Variants in NIPBL observed in about 807,000 individuals in gnomAD.
NIPBL encodes the protein nipped-B-like protein.
In NIPBL, 19 loss-of-function variants were observed where a neutral mutation model predicts 321.8. The observed-to-expected ratio is 0.06, with a 90% CI of 0.04 to 0.09. The LOEUF is 0.09. Among genes scored for constraint, NIPBL ranks in the 10% least tolerant of loss-of-function variants. The probability of loss-of-function intolerance (pLI) is 1.00; values close to 1 mark genes in which losing one functional copy is unlikely to be tolerated. For missense variants in NIPBL, 2,210 were observed against 3,327.0 expected, an observed-to-expected ratio of 0.66 and a Z score of 8.26; for synonymous variants, 1,106 against 1,114.1, an observed-to-expected ratio of 0.99 and a Z score of 0.14.
At position 37,051,772 on chromosome 5, in the gene NIPBL, T is replaced by C. The variant is rs1379961586; in HGVS notation, c.6955-7T>C. 6.2e-7 allele frequency: 1 copy of C among 1,601,612 alleles called. No homozygotes were observed. Among genetic ancestry groups the C allele is most frequent in the Non-Finnish European group, 8.6e-7 (1 of 1,168,786 alleles). ...TGATATCTCGTAATTTTTTTTTTTATTTCCAGTGTGTGCCATATTTAATTG... is the reference window on the plus strand; with the variant it reads ...TGATATCTCGTAATTTTTTTTTTTACTTCCAGTGTGTGCCATATTTAATTG... On this transcript the variant is annotated splice_polypyrimidine_tract_variant and splice_region_variant and intron_variant, in intron 40 of 46. Transcript: ENST00000282516.
chr5:36,910,381 G>A (rs955852236), intron 1 of NIPBL, among the ~76,000 whole-genome samples: 7 of 151,862 alleles, frequency 4.6e-5, no homozygotes, highest in Non-Finnish European at 8.8e-5. Flanking sequence ...GTAACTAATG[G>A]GGCAATAAGC....
chr5:36,882,021 C>A (rs937472079), intron 1 of NIPBL, among the ~76,000 whole-genome samples: 4 of 151,804 alleles, frequency 2.6e-5, no homozygotes, highest in African/African-American at 9.7e-5. Context: ...TATGACTGAT[C>A]ATTTTGTAAA....
Position 37,063,959 on chromosome 5 carries a change from G to C in NIPBL, c.8030G>C (p.Arg2677Thr). The C allele has an allele frequency of 6.2e-7, 1 of 1,614,070 alleles. No homozygotes were observed. Among genetic ancestry groups the C allele is most frequent in the Non-Finnish European group, 8.5e-7 (1 of 1,180,008 alleles). Residue 2677 changes from arginine (R) to threonine (T), a missense_variant, in exon 46 of 47, where the codon AGA becomes ACA. By Grantham distance (71) the Arg-to-Thr change is moderately conservative. Coordinates refer to ENST00000282516, the MANE Select transcript of NIPBL (RefSeq NM_133433.4). ...GATGATGAAAGTGATGGGGAGGATA[G>C]AGGAGGAGGCACTTCAGGGGTGAGG... is the stretch of plus-strand genomic sequence containing the variant. ...TEDDESDGEDRGGGTSGSLRR... is the reference protein window; with the variant it reads ...TEDDESDGEDTGGGTSGSLRR...
At chr5:37,033,730 A>ATATTTTTT (rs775482943) in intron 32 of NIPBL, among the ~76,000 whole-genome samples, 12 of 21,518 alleles carry the variant, frequency 5.6e-4, no homozygotes, top group African/African-American at 1.0e-3. Flanking sequence ...ATATATATAT[A>ATATTTTTT]TTTTTTTTTT....
chr5:37,048,497 C>A lies in NIPBL; in HGVS notation c.6590-5C>A. 6.5e-7 allele frequency: 1 copy of A among 1,548,482 alleles called. No individual in the cohort carries two copies. Among genetic ancestry groups the A allele is most frequent in the South Asian group, 1.3e-5 (1 of 78,124 alleles). On this transcript the variant is annotated splice_region_variant and splice_polypyrimidine_tract_variant and intron_variant, in intron 38 of 46. Transcript: ENST00000282516. ...ATATGATGAGATTTTTCCCCTCTCC[C>A]ATAGGATTTGCCTTTATTCAGCATC...
At chr5:37,000,684 C>A in intron 12 of NIPBL, 114 bp downstream of exon 12, 2 of 1,313,006 alleles carry the variant, frequency 1.5e-6, no homozygotes, top group Non-Finnish European at 2.2e-6. Flanking sequence ...TCAATTAAGA[C>A]AAAAATACTT....
chr5:36,896,343 G>C (rs1265209423), intron 1 of NIPBL, among the ~76,000 whole-genome samples: 1 of 152,194 alleles, frequency 6.6e-6, no homozygotes, highest in Non-Finnish European at 1.5e-5. Context: ...TTGTAGTAAG[G>C]TTTGAAAGTG....
intron 6 of NIPBL, among the ~76,000 whole-genome samples, chr5:36,969,071 G>A (rs772202183): frequency 1.3e-5 from 2 of 152,108 alleles, no homozygotes; most frequent in Non-Finnish European, 2.9e-5. Context: ...GTTTAAAAGA[G>A]CACCACAAGA....
chr5:37,016,227 G>T, intron 23 of NIPBL, 57 bp downstream of exon 23: 1 of 1,524,316 alleles, frequency 6.6e-7, no homozygotes, highest in Non-Finnish European at 9.1e-7. Flanking sequence ...TAATGAGGAT[G>T]TACTCTGATT....
At chr5:37,016,872 A>G (rs1454557772) in intron 23 of NIPBL, 147 bp from the exon 24 acceptor site, 1 of 569,280 alleles carries the variant, frequency 1.8e-6, no homozygotes, top group African/African-American at 1.9e-5. Context: ...ATCAAAAGGC[A>G]AAAATGACTT....
chr5:37,020,477 A>T lies in NIPBL; in HGVS notation c.5029A>T (p.Ile1677Leu). The change falls in exon 26 of 47, where the codon ATA becomes TTA. Residue 1677 changes from isoleucine (I) to leucine (L), a missense_variant. By Grantham distance (5) the Ile-to-Leu change is conservative (BLOSUM62 2). Around this residue, in one of 14 missense-constraint regions of NIPBL, gnomAD observed 138 missense variants for 175.8 expected, o/e 0.79. Coordinates refer to ENST00000282516, the MANE Select transcript of NIPBL (RefSeq NM_133433.4). ...TTTCCAGTTTTCTCGTAAATTCTAT[A>T]TAGCCCAGTGGTTTCGAGACACAAC... ...PSLVFSRKFY[I>L]AQWFRDTTLE... is the part of the protein sequence containing the mutation. The T allele has an allele frequency of 6.2e-7, 1 of 1,612,578 alleles. No homozygotes were observed. The highest frequency in any genetic ancestry group is 2.2e-5 in the East Asian group (1 of 44,842).
chr5:36,937,227 G>A (rs997365370), intron 1 of NIPBL, among the ~76,000 whole-genome samples: 6 of 152,120 alleles, frequency 3.9e-5, no homozygotes, highest in South Asian at 2.1e-4. Context: ...GAAGTGGAAT[G>A]TATTTTGGGT....
intron 34 of NIPBL, among the ~76,000 whole-genome samples, chr5:37,039,330 A>G (rs146607511): frequency 5.6e-4 from 84 of 150,800 alleles, no homozygotes; most frequent in African/African-American, 2.0e-3. Context: ...TAATAGAACA[A>G]TATATTAAAT....
chr5:36,953,858 C>T (rs948758981), intron 2 of NIPBL, 98 bp downstream of exon 2: 60 of 1,072,674 alleles, frequency 5.6e-5, no homozygotes, highest in Non-Finnish European at 8.3e-5. Flanking sequence ...CTTTAAAACA[C>T]ATTTACAGAA....
intron 10 of NIPBL, among the ~76,000 whole-genome samples, chr5:36,988,466 T>G (rs1301660126): frequency 1.3e-5 from 2 of 152,174 alleles, no homozygotes; most frequent in Non-Finnish European, 1.5e-5. Context: ...GTAGCTATCT[T>G]TTGGATTAAT....
At chr5:37,024,157 A>C (rs569121911) in intron 29 of NIPBL, among the ~76,000 whole-genome samples, 159 of 147,432 alleles carry the variant, frequency 1.1e-3, no homozygotes, top group African/African-American at 3.9e-3. Flanking sequence ...GAAGAGCAAA[A>C]CTCCATCCCA....
chr5:36,962,258 T>C lies in NIPBL; in HGVS notation c.594T>C (p.His198=), dbSNP rs1741707081. 1.9e-6 allele frequency: 3 copies of C among 1,614,038 alleles called. No individual in the cohort carries two copies. Among genetic ancestry groups the C allele is most frequent in the Middle Eastern group, 1.7e-4 (1 of 6,060 alleles). The change falls in exon 6 of 47, where the codon CAT becomes CAC. Residue 198 remains histidine (H), a synonymous_variant. Transcript: ENST00000282516. The part of the protein sequence containing the change: ...PYSHPSSYTT[H]PQMQQASVSS... ...CCCATCCTTCAAGTTACACAACACA[T>C]CCACAGATGCAACAAGGTAAGAAAG...
chr5:36,997,851 G>A (rs3776594), intron 11 of NIPBL, among the ~76,000 whole-genome samples: 25,830 of 152,060 alleles, frequency 0.17, 2,541 homozygotes, highest in African/African-American at 0.25. Context: ...TTATGAGAAC[G>A]TTAAGTTGCA....
chr5:36,941,321 C>G (rs1158045870), intron 1 of NIPBL, among the ~76,000 whole-genome samples: 1 of 151,822 alleles, frequency 6.6e-6, no homozygotes, highest in African/African-American at 2.4e-5. Context: ...CTTTCTATAT[C>G]CCTCTTTTCT....
Sources: gnomAD v4.1 joint callset for allele counts (sites outside exome capture counted in the v4.1 genomes callset) on GRCh38, gnomAD v4.1.1 for gene constraint, gnomAD v4.1.1 regional missense constraint, MANE v1.5 for transcripts, NCBI Gene and HGNC (gene_info 2026-07-23, HGNC 2026-07-21) for gene names.